MAML2: variants seen among roughly 807,000 people sequenced by gnomAD.
The protein encoded by MAML2 is mastermind like transcriptional coactivator 2, also known as mastermind-like protein 2.
Under a neutral mutation model 96.1 loss-of-function variants are expected in MAML2, and 22 were observed. That is an observed-to-expected ratio of 0.23 (90% CI 0.16 to 0.33). The LOEUF is 0.33. Ranked by LOEUF, MAML2 falls within the 10% of genes least tolerant of loss-of-function variation. The pLI is 1.00. For synonymous variants in MAML2, 561 were observed against 521.3 expected (o/e 1.08, Z -1.04); for missense variants, 1,367 against 1,392.4 (o/e 0.98, Z 0.29).
intron 1 of MAML2, among the ~76,000 whole-genome samples, chr11:96,200,711 A>T (rs952667530): frequency 2.0e-5 from 3 of 152,166 alleles, no homozygotes; most frequent in Non-Finnish European, 2.9e-5. Flanking sequence ...AATAGTGCAA[A>T]GCATGTGTAT....
intron 2 of MAML2, among the ~76,000 whole-genome samples, chr11:96,082,508 T>C (rs1331711039): frequency 6.6e-6 from 1 of 152,134 alleles, no homozygotes; most frequent in Non-Finnish European, 1.5e-5. Flanking sequence ...GACAGGATGT[T>C]ACAGCCAGTA....
At chr11:96,044,207 G>A (rs558094216) in intron 2 of MAML2, among the ~76,000 whole-genome samples, 1 of 152,336 alleles carries the variant, frequency 6.6e-6, no homozygotes, top group Non-Finnish European at 1.5e-5. Context: ...GTATCTGGCT[G>A]GGCAAGAGGG....
intron 1 of MAML2, among the ~76,000 whole-genome samples, chr11:96,334,306 A>T (rs568485786): frequency 3.9e-4 from 60 of 152,354 alleles, no homozygotes; most frequent in Admixed American, 6.5e-4. Flanking sequence ...ACTAATAATA[A>T]CAGCTAAAAT....
At chr11:96,236,065 A>G (rs1275941128) in intron 1 of MAML2, among the ~76,000 whole-genome samples, 1 of 152,218 alleles carries the variant, frequency 6.6e-6, no homozygotes, top group Non-Finnish European at 1.5e-5. Context: ...AAATGACAGG[A>G]GTCATCCCAC....
intron 2 of MAML2, among the ~76,000 whole-genome samples, chr11:95,994,152 G>T (rs1310683291): frequency 3.3e-5 from 5 of 152,178 alleles, no homozygotes; most frequent in Admixed American, 6.5e-5. Context: ...TCTTCCCAGG[G>T]TTGAGCACCC....
chr11:96,002,765 G>T (rs1858106194), intron 2 of MAML2, among the ~76,000 whole-genome samples: 1 of 149,900 alleles, frequency 6.7e-6, no homozygotes, highest in Non-Finnish European at 1.5e-5. Flanking sequence ...GGAGGATGAT[G>T]AGGATGATGA....
chr11:96,195,868 G>T (rs928356299), intron 1 of MAML2, among the ~76,000 whole-genome samples: 2 of 151,990 alleles, frequency 1.3e-5, no homozygotes, highest in African/African-American at 4.8e-5. Flanking sequence ...TTTTCCTCTC[G>T]TGCTGATTTA....
At chr11:95,996,083 T>TCAAC (rs1266999212) in intron 2 of MAML2, among the ~76,000 whole-genome samples, 1 of 151,828 alleles carries the variant, frequency 6.6e-6, no homozygotes, top group Non-Finnish European at 1.5e-5. Flanking sequence ...AATCAATCAA[T>TCAAC]CAATCAATCA....
intron 1 of MAML2, among the ~76,000 whole-genome samples, chr11:96,142,282 T>C (rs900787578): frequency 6.6e-6 from 1 of 152,148 alleles, no homozygotes; most frequent in Non-Finnish European, 1.5e-5. Context: ...GAGGTGCCCC[T>C]AGAAAATTTC....
chr11:96,255,251 T>C (rs1862646124), intron 1 of MAML2, among the ~76,000 whole-genome samples: 1 of 152,264 alleles, frequency 6.6e-6, no homozygotes, highest in African/African-American at 2.4e-5. Flanking sequence ...AAGCTCTTCA[T>C]GAACTGTTCG....
At chr11:95,984,739 T>A (rs1264547905) in intron 4 of MAML2, among the ~76,000 whole-genome samples, 1 of 152,216 alleles carries the variant, frequency 6.6e-6, no homozygotes, top group Non-Finnish European at 1.5e-5. Context: ...GAGAATCTTC[T>A]TTATGGCTTC....
chr11:96,038,548 C>G (rs968107000), intron 2 of MAML2, among the ~76,000 whole-genome samples: 8 of 152,210 alleles, frequency 5.3e-5, no homozygotes, highest in Non-Finnish European at 1.0e-4. Context: ...CACTTAAGCC[C>G]TATCTGGAGG....
At chr11:96,187,792 C>A (rs374592707) in intron 1 of MAML2, among the ~76,000 whole-genome samples, 327 of 128,334 alleles carry the variant, frequency 2.5e-3, no homozygotes, top group Middle Eastern at 4.1e-3. Context: ...AACTCTGTCT[C>A]AAAAAAAAAA....
At chr11:96,213,774 G>A (rs1289593292) in intron 1 of MAML2, among the ~76,000 whole-genome samples, 1 of 152,182 alleles carries the variant, frequency 6.6e-6, no homozygotes, top group Non-Finnish European at 1.5e-5. Flanking sequence ...CTTTACAGAT[G>A]CATTGCCTTG....
chr11:96,299,060 A>AAATATATATATATATAT (rs55878534), intron 1 of MAML2, among the ~76,000 whole-genome samples: 8 of 56,332 alleles, frequency 1.4e-4, no homozygotes, highest in South Asian at 6.8e-4. Flanking sequence ...AAAAAAAAAA[A>AAATATATATATATATAT]ATATATATAT....
rs186179666 is a variant in MAML2, at chr11:96,128,363, T to C, written c.514-34846A>G. On this transcript the variant is annotated intron_variant, in intron 1 of 4. Transcript: ENST00000524717. ...GAGCCAAGATCATGCCACTGCACTC[T>C]AGCCTGGGCAACAGACAGTGGGAGG... is the stretch of plus-strand genomic sequence containing the variant. Among the ~76,000 whole-genome samples the C allele has an allele frequency of 4.0e-3, 603 of 152,118 alleles. 1 individual carries two copies. The highest frequency in any genetic ancestry group is 0.014 in the African/African-American group (580 of 41,498).
At chr11:96,067,458 T>C (rs1859263178) in intron 2 of MAML2, among the ~76,000 whole-genome samples, 1 of 152,240 alleles carries the variant, frequency 6.6e-6, no homozygotes, top group African/African-American at 2.4e-5. Context: ...TGTTTCTATT[T>C]CAGAGAGTAA....
chr11:96,276,836 A>AG (rs1491085792), intron 1 of MAML2, among the ~76,000 whole-genome samples: 2 of 150,718 alleles, frequency 1.3e-5, no homozygotes, highest in Non-Finnish European at 2.9e-5. Flanking sequence ...AAAAAAAAAA[A>AG]AGCTTTTAAT....
chr11:96,178,760 C>T (rs748268358), intron 1 of MAML2, among the ~76,000 whole-genome samples: 1 of 152,152 alleles, frequency 6.6e-6, no homozygotes, highest in Non-Finnish European at 1.5e-5. Flanking sequence ...TCTTGTGCTT[C>T]TCTGGGTATG....
Sources: gnomAD v4.1 joint callset for allele counts (sites outside exome capture counted in the v4.1 genomes callset) on GRCh38, gnomAD v4.1.1 for gene constraint, MANE v1.5 for transcripts, NCBI Gene and HGNC (gene_info 2026-07-23, HGNC 2026-07-21) for gene names.